Variants in NSD2 observed in about 807,000 individuals in gnomAD.
The protein encoded by NSD2 is histone-lysine N-methyltransferase NSD2.
A neutral mutation model predicts 139.0 loss-of-function variants in NSD2; 12 were observed. The ratio of observed to expected loss-of-function variants is 0.09; its 90% CI spans 0.06 to 0.14. The LOEUF (loss-of-function observed/expected upper bound fraction) is 0.14. Among genes scored for constraint, NSD2 ranks in the 10% least tolerant of loss-of-function variants. The pLI is 1.00. For synonymous variants in NSD2, 669 were observed against 648.7 expected, an observed-to-expected ratio of 1.03 and a Z score of -0.48; for missense variants, 1,155 against 1,745.0, an observed-to-expected ratio of 0.66 and a Z score of 6.02.
intron 1 of NSD2, among the ~76,000 whole-genome samples, chr4:1,893,287 G>A (rs1489738895): frequency 6.6e-6 from 1 of 152,106 alleles, no homozygotes; most frequent in African/African-American, 2.4e-5. Flanking sequence ...GGCCAACATA[G>A]TGAAACCCCG....
At chr4:1,963,762 C>T (rs1447440091) in intron 18 of NSD2, among the ~76,000 whole-genome samples, 1 of 152,192 alleles carries the variant, frequency 6.6e-6, no homozygotes, top group Non-Finnish European at 1.5e-5. Context: ...GCCTGTAATC[C>T]CAGCACTTTG....
intron 9 of NSD2, chr4:1,944,379 A>T (rs1723407302): frequency 9.4e-7 from 1 of 1,065,770 alleles, no homozygotes; most frequent in South Asian, 4.5e-5. Context: ...CCTTCATTTC[A>T]TAAGAACCTC....
At chr4:1,944,166 A>G (rs1166079535) in intron 9 of NSD2, 2 of 1,065,946 alleles carry the variant, frequency 1.9e-6, no homozygotes, top group East Asian at 5.0e-5. Flanking sequence ...AGTGAGAGGG[A>G]CAGTCCCATG....
At chr4:1,936,859 T>G (rs1722465161) in intron 7 of NSD2, among the ~76,000 whole-genome samples, 1 of 152,076 alleles carries the variant, frequency 6.6e-6, no homozygotes, top group South Asian at 2.1e-4. Flanking sequence ...TCTTTAAACT[T>G]GTATTTGTAG....
rs943825126 is a variant in NSD2 at position 1,979,310 on chromosome 4, C to T, written c.*401C>T. ...TCGCTAGAAACTCGTCTTCGCGTTG[C>T]CCCCTTTCTGGCTCTCAGCGCCGTC... On this transcript the variant is annotated 3_prime_UTR_variant, in exon 22 of 22. Transcript: ENST00000508803. The T allele has an allele frequency of 2.1e-5, 5 of 243,248 alleles. No homozygotes were observed. Among genetic ancestry groups the T allele is most frequent in the Non-Finnish European group, 4.0e-5 (5 of 125,442 alleles). The allele number at this position is 243,248 out of a possible 1,614,324, so 15.1% of individuals were successfully genotyped here.
At position 1,934,910 on chromosome 4, in the gene NSD2, A is replaced by ATATATAT. The variant is rs59927644; in HGVS notation, c.1556-234_1556-233insTATATAT. On this transcript the variant is annotated intron_variant, in intron 6 of 21. Coordinates refer to ENST00000508803, the MANE Select transcript of NSD2 (RefSeq NM_001042424.3). ...ATATATATATATATATATATATATA[A>ATATATAT]AAAACAGATAAAACAGATGCTAATA... Among the ~76,000 whole-genome samples, 70 of 106,296 alleles carry ATATATAT rather than the reference A, an allele frequency of 6.6e-4. 3 individuals are homozygous for ATATATAT. Among genetic ancestry groups the ATATATAT allele is most frequent in the South Asian group, 1.0e-3 (3 of 2,946 alleles). The allele number at this position is 106,296 out of a possible 152,430, so 69.7% of individuals were successfully genotyped here. A position where few individuals can be genotyped will look rare whatever the true frequency, so the allele number is the denominator to read the frequency against.
At position 1,979,034 on chromosome 4, in the gene NSD2, C is replaced by A. The variant is rs1011371372; in HGVS notation, c.*125C>A. 4 of 1,283,856 alleles carry A rather than the reference C, an allele frequency of 3.1e-6. No individual in the cohort carries two copies. The highest frequency in any genetic ancestry group is 3.1e-5 in the Admixed American group (1 of 32,726). The allele number at this position is 1,283,856 out of a possible 1,614,324, so 79.5% of individuals were successfully genotyped here. A position where few individuals can be genotyped will look rare whatever the true frequency, so the allele number is the denominator to read the frequency against. ...AGCCGCCAGGACACAGACGTACAGG[C>A]CTCCTCGGGAGGGAGCGCCTCCCCA... is the stretch of plus-strand genomic sequence containing the variant. On this transcript the variant is annotated 3_prime_UTR_variant, in exon 22 of 22. Coordinates refer to ENST00000508803, the MANE Select transcript of NSD2 (RefSeq NM_001042424.3).
rs1039468050 is a variant in NSD2 at position 1,935,096 on chromosome 4, G to A, written c.1556-48G>A. 8 of 1,508,484 alleles carry A rather than the reference G, an allele frequency of 5.3e-6. No homozygotes were observed. The African/African-American group carries it at 9.8e-5, about 18-fold the overall frequency. The allele number at this position is 1,508,484 out of a possible 1,614,324, so 93.4% of individuals were successfully genotyped here. On this transcript the variant is annotated intron_variant, in intron 6 of 21. Transcript: ENST00000508803. Reference sequence around the variant, plus strand: ...AGGTTCTCACAGTGCTTCAAATGCAGCTTTTGGAGTGGTTTTCATGTACAT... The same window carrying A: ...AGGTTCTCACAGTGCTTCAAATGCAACTTTTGGAGTGGTTTTCATGTACAT...
Position 1,974,367 on chromosome 4 carries a change from C to T in NSD2, c.3373-496C>T, listed in dbSNP as rs778923970. On this transcript the variant is annotated intron_variant, in intron 18 of 21. Coordinates refer to ENST00000508803, the MANE Select transcript of NSD2 (RefSeq NM_001042424.3). This position sits in a 1 kb window ranked among gnomAD's most constrained non-coding sequence, Gnocchi z 4.0. ...CTGAGATTACAGGCAGCCACCACCA[C>T]GCCCAGCTAATTTTTTTTGTATTTT... is the stretch of plus-strand genomic sequence containing the variant. 2.1e-4 allele frequency among the ~76,000 whole-genome samples: 32 copies of T among 152,180 alleles called. No individual in the cohort carries two copies. The highest frequency in any genetic ancestry group is 6.3e-4 in the African/African-American group (26 of 41,468).
chr4:1,939,411 G>C (rs1436366691), intron 8 of NSD2: 3 of 535,708 alleles, frequency 5.6e-6, no homozygotes, highest in Non-Finnish European at 1.0e-5. Flanking sequence ...GGTATGGATA[G>C]AGCCACGCTG....
Position 1,974,508 on chromosome 4 carries a change from C to A in NSD2, c.3373-355C>A. 1 of 390,582 alleles carries A rather than the reference C, an allele frequency of 2.6e-6. No homozygotes were observed. Among genetic ancestry groups the A allele is most frequent in the Admixed American group, 2.9e-5 (1 of 35,082 alleles). The allele number at this position is 390,582 out of a possible 1,614,324, so 24.2% of individuals were successfully genotyped here. On this transcript the variant is annotated intron_variant, in intron 18 of 21. Coordinates refer to ENST00000508803, the MANE Select transcript of NSD2 (RefSeq NM_001042424.3). The surrounding 1 kb of genome is among the most constrained non-coding windows in gnomAD (Gnocchi z 4.0). ...GGATTACAGGCGTGAGCCACTGCGC[C>A]CAGCCAGGGTGAGTCTTGTTCTTGT... is the stretch of plus-strand genomic sequence containing the variant.
At chr4:1,909,959 T>A (rs754657745) in intron 3 of NSD2, among the ~76,000 whole-genome samples, 1 of 151,490 alleles carries the variant, frequency 6.6e-6, no homozygotes. Flanking sequence ...AAAAAAAAAA[T>A]TATTTATCAT....
intron 1 of NSD2, among the ~76,000 whole-genome samples, chr4:1,885,781 C>T (rs376750304): frequency 6.6e-6 from 1 of 151,960 alleles, no homozygotes; most frequent in African/African-American, 2.4e-5. Context: ...GCAGAGCTGC[C>T]CTGAGTACAG....
chr4:1,918,380 T>A lies in NSD2; in HGVS notation c.1167T>A (p.Ser389=). Residue 389 remains serine, a synonymous_variant, in exon 5 of 22, where the codon TCT becomes TCA. Transcript: ENST00000508803. ...VSEEAAENPK[S]VREECIPMKR... Reference sequence around the variant, plus strand: ...AAGAAGCTGCTGAAAACCCCAAGTCTGTGAGAGAAGAGTGCATTCCCATGA... The same window carrying A: ...AAGAAGCTGCTGAAAACCCCAAGTCAGTGAGAGAAGAGTGCATTCCCATGA... 6.2e-7 allele frequency: 1 copy of A among 1,614,088 alleles called. No homozygotes were observed. Among genetic ancestry groups the A allele is most frequent in the Non-Finnish European group, 8.5e-7 (1 of 1,180,030 alleles).
intron 1 of NSD2, among the ~76,000 whole-genome samples, chr4:1,889,273 A>C (rs909080479): frequency 6.6e-6 from 1 of 151,554 alleles, no homozygotes; most frequent in African/African-American, 2.4e-5. Flanking sequence ...TATGGCTCAC[A>C]GCCTCTACCT....
intron 5 of NSD2, among the ~76,000 whole-genome samples, chr4:1,926,173 T>TA (rs1164910956): frequency 5.4e-5 from 8 of 146,964 alleles, no homozygotes; most frequent in South Asian, 2.1e-4. Context: ...TTTTTTTTTT[T>TA]AAGACGTAGT....
intron 7 of NSD2, among the ~76,000 whole-genome samples, chr4:1,937,963 G>C (rs548388873): frequency 6.6e-6 from 1 of 152,218 alleles, no homozygotes; most frequent in Non-Finnish European, 1.5e-5. Context: ...GAAATCCTCA[G>C]TATAGTGATA....
intron 6 of NSD2, among the ~76,000 whole-genome samples, chr4:1,933,673 T>G (rs993939249): frequency 1.3e-5 from 2 of 152,098 alleles, no homozygotes; most frequent in African/African-American, 2.4e-5. Flanking sequence ...GGATTACAGG[T>G]GTGAGCCACC....
In NSD2 at chr4:1,942,549, C is replaced by T; in HGVS notation, c.1881+2771C>T. 7.2e-7 allele frequency: 1 copy of T among 1,396,372 alleles called. No homozygotes were observed. The highest frequency in any genetic ancestry group is 1.4e-5 in the African/African-American group (1 of 69,280). The allele number at this position is 1,396,372 out of a possible 1,614,324, so 86.5% of individuals were successfully genotyped here. On this transcript the variant is annotated intron_variant, in intron 9 of 21. Coordinates refer to ENST00000508803, the MANE Select transcript of NSD2 (RefSeq NM_001042424.3). The surrounding 1 kb of genome is among the most constrained non-coding windows in gnomAD (Gnocchi z 4.0). ...CACATACAATGAAGAAAACAGATAA[C>T]AAATTTTAAGACCAAGGTAAGATAA...
Sources: gnomAD v4.1 joint callset for allele counts (sites outside exome capture counted in the v4.1 genomes callset) on GRCh38, gnomAD v4.1.1 for gene constraint, Gnocchi (gnomAD v3.1) non-coding constraint, MANE v1.5 for transcripts, NCBI Gene and HGNC (gene_info 2026-07-23, HGNC 2026-07-21) for gene names.